WDR72: variants seen among roughly 807,000 people sequenced by gnomAD.
The protein encoded by WDR72 is WD repeat-containing protein 72.
A neutral mutation model predicts 124.2 loss-of-function variants in WDR72; 120 were observed. The ratio of observed to expected loss-of-function variants is 0.97; its 90% confidence interval spans 0.83 to 1.12. The LOEUF (loss-of-function observed/expected upper bound fraction) is 1.12, where lower values mean the gene tolerates loss of function less well. Ranked by LOEUF, WDR72 falls within the 50% of genes most tolerant of loss-of-function variation. The pLI, the probability that WDR72 is intolerant of heterozygous loss-of-function variation, is 0.00. For synonymous variants in WDR72, 452 were observed against 441.7 expected, an observed-to-expected ratio of 1.02 and a Z score of -0.29; for missense variants, 1,387 against 1,278.8, an observed-to-expected ratio of 1.08 and a Z score of -1.29.
intron 13 of WDR72, among the ~76,000 whole-genome samples, chr15:53,691,399 A>G (rs2016835799): frequency 6.6e-6 from 1 of 152,136 alleles, no homozygotes; most frequent in Non-Finnish European, 1.5e-5. Context: ...GCTGTGCCAT[A>G]AGAGTTCCTT....
intron 13 of WDR72, among the ~76,000 whole-genome samples, chr15:53,672,245 T>A (rs1001976405): frequency 6.8e-6 from 1 of 146,830 alleles, no homozygotes; most frequent in Non-Finnish European, 1.5e-5. Context: ...GAGTTCCAGG[T>A]AGAGATCAGA....
Position 53,560,052 on chromosome 15 carries a change from C to T in WDR72, c.3149-36730G>A, listed in dbSNP as rs564277575. 4.6e-5 allele frequency among the ~76,000 whole-genome samples: 7 copies of T among 152,052 alleles called. No homozygotes were observed. In the South Asian group the frequency reaches 1.5e-3, roughly 32 times the overall value. The stretch of plus-strand genomic sequence containing the variant: ...GAAGCACATGGCACATTTATCACAA[C>T]TCCACAGACAAGTTATTGAGCTGTC... On this transcript the variant is annotated intron_variant, in intron 18 of 19. Coordinates refer to ENST00000360509, the MANE Select transcript of WDR72 (RefSeq NM_182758.4).
rs1434388371 is a variant in WDR72 at position 53,604,017 on chromosome 15, G to C, written c.2952+5496C>G. On this transcript the variant is annotated intron_variant, in intron 17 of 19. Coordinates refer to ENST00000360509, the MANE Select transcript of WDR72 (RefSeq NM_182758.4). Reference sequence around the variant, plus strand: ...TATGGAACCAAAAAAGAGCCTGAATGGCCAGGGCAATCCTAAGCAAAAAGA... The same window carrying C: ...TATGGAACCAAAAAAGAGCCTGAATCGCCAGGGCAATCCTAAGCAAAAAGA... Among the ~76,000 whole-genome samples, 3 of 151,974 alleles carry C rather than the reference G, an allele frequency of 2.0e-5. No homozygotes were observed. The East Asian group carries it at 5.8e-4, about 29-fold the overall frequency.
chr15:53,594,157 C>T (rs577775760), intron 18 of WDR72, among the ~76,000 whole-genome samples: 32 of 152,016 alleles, frequency 2.1e-4, no homozygotes, highest in African/African-American at 7.7e-4. Context: ...TTCCTTGTGA[C>T]ATTGTTGCCA....
chr15:53,727,226 TAA>T (rs57976197), intron 2 of WDR72, among the ~76,000 whole-genome samples: 7 of 125,732 alleles, frequency 5.6e-5, no homozygotes, highest in African/African-American at 6.3e-5. Flanking sequence ...AGACTCTGTC[TAA>T]AAAAAAAAAA....
chr15:53,704,689 C>CTT (rs66465971), intron 11 of WDR72, among the ~76,000 whole-genome samples: 40,901 of 123,222 alleles, frequency 0.33, 8,741 homozygotes, highest in Middle Eastern at 0.54. Context: ...CCATGCCCAG[C>CTT]TTTTTTTTTT....
intron 1 of WDR72, chr15:53,759,246 G>A (rs1469568646): frequency 6.6e-6 from 1 of 152,104 alleles, no homozygotes; most frequent in African/African-American, 2.4e-5. Context: ...TTCCATAGAA[G>A]TCCAATTCCC....
At chr15:53,570,660 G>C (rs748339471) in intron 18 of WDR72, among the ~76,000 whole-genome samples, 2 of 151,992 alleles carry the variant, frequency 1.3e-5, no homozygotes, top group Non-Finnish European at 2.9e-5. Flanking sequence ...TCACTCCTGT[G>C]GAAAGCAGTT....
chr15:53,566,921 G>A (rs539195954), intron 18 of WDR72, among the ~76,000 whole-genome samples: 1 of 152,028 alleles, frequency 6.6e-6, no homozygotes, highest in Admixed American at 6.6e-5. Context: ...TAGTCCTGGG[G>A]CAAATAGCTT....
At chr15:53,543,789 C>G (rs573788691) in intron 18 of WDR72, among the ~76,000 whole-genome samples, 1 of 151,946 alleles carries the variant, frequency 6.6e-6, no homozygotes, top group Non-Finnish European at 1.5e-5. Flanking sequence ...CTAATAGACG[C>G]AATAAAAAAT....
chr15:53,674,148 C>G (rs2016085870), intron 13 of WDR72, among the ~76,000 whole-genome samples: 1 of 152,114 alleles, frequency 6.6e-6, no homozygotes, highest in Admixed American at 6.5e-5. Context: ...TAGGCATTTT[C>G]TAACTGAATC....
chr15:53,710,079 G>A (rs1567041905), intron 9 of WDR72, among the ~76,000 whole-genome samples: 1 of 152,110 alleles, frequency 6.6e-6, no homozygotes, highest in Non-Finnish European at 1.5e-5. Context: ...AATGTCAGAG[G>A]TATGATTCAG....
In WDR72 at chr15:53,515,062, TATAC is replaced by T. The variant is rs1472318017; in HGVS notation, c.*2633_*2636del. ...ATGTGTATATATATGTGTGTATATATATACACACATATATATGTATGTATACACA... is the reference window on the plus strand; with the variant it reads ...ATGTGTATATATATGTGTGTATATATACACATATATATGTATGTATACACA... On this transcript the variant is annotated 3_prime_UTR_variant, in exon 20 of 20. Coordinates refer to ENST00000360509, the MANE Select transcript of WDR72 (RefSeq NM_182758.4). 8.4e-6 allele frequency: 1 copy of T among 119,560 alleles called. No homozygotes were observed. The highest frequency in any genetic ancestry group is 1.8e-5 in the Non-Finnish European group (1 of 56,396). 7.4% of individuals were successfully genotyped at this position (119,560 alleles called of 1,614,324 possible).
chr15:53,557,656 C>T (rs1260800577), intron 18 of WDR72, among the ~76,000 whole-genome samples: 4 of 151,852 alleles, frequency 2.6e-5, no homozygotes, highest in Non-Finnish European at 4.4e-5. Flanking sequence ...GAGAGATCAG[C>T]CCGTGAGCCT....
At chr15:53,640,652 A>C (rs1051825906) in intron 14 of WDR72, among the ~76,000 whole-genome samples, 4 of 152,170 alleles carry the variant, frequency 2.6e-5, no homozygotes, top group Non-Finnish European at 5.9e-5. Context: ...GTCTGTTTCA[A>C]AACACACTTC....
chr15:53,710,800 C>G (rs1179810488), intron 9 of WDR72, 57 bp downstream of exon 9: 3 of 1,385,182 alleles, frequency 2.2e-6, no homozygotes, highest in Non-Finnish European at 3.1e-6. Context: ...CAAAGCAACA[C>G]TTATCCAAGA....
chr15:53,563,276 T>C (rs1026275544), intron 18 of WDR72, among the ~76,000 whole-genome samples: 3 of 151,782 alleles, frequency 2.0e-5, no homozygotes, highest in Non-Finnish European at 4.4e-5. Context: ...ACTAATTTAT[T>C]AAATTGGAAA....
At chr15:53,702,408 C>T (rs2017211146) in intron 11 of WDR72, 54 bp from the exon 12 acceptor site, 26 of 1,431,910 alleles carry the variant, frequency 1.8e-5, no homozygotes, top group Non-Finnish European at 2.4e-5. Context: ...TTCAGAAAAT[C>T]GTCCCAAGAT....
chr15:53,749,218 T>A (rs1262661710), intron 1 of WDR72, among the ~76,000 whole-genome samples: 2 of 152,186 alleles, frequency 1.3e-5, no homozygotes, highest in Non-Finnish European at 2.9e-5. Flanking sequence ...CTTGAGCAAA[T>A]CTATAGGCAC....
Sources: allele counts gnomAD v4.1 joint callset (sites outside exome capture counted in the v4.1 genomes callset), GRCh38; gene constraint gnomAD v4.1.1; transcripts MANE v1.5; gene names NCBI Gene and HGNC (gene_info 2026-07-23, HGNC 2026-07-21).